DYSF: variants seen among roughly 807,000 people sequenced by gnomAD.
The protein encoded by DYSF is dystrophy-associated fer-1-like 1.
Under a neutral mutation model 274.9 loss-of-function variants are expected in DYSF, and 212 were observed. The ratio of observed to expected loss-of-function variants is 0.77; its 90% confidence interval spans 0.69 to 0.86. The LOEUF is 0.86. Ranked by LOEUF, DYSF falls within the 40% of genes least tolerant of loss-of-function variation. DYSF has a pLI of 0.00. For missense variants in DYSF, 2,666 were observed against 2,783.2 expected (o/e 0.96, Z 0.95); for synonymous variants, 1,091 against 1,078.7 (o/e 1.01, Z -0.22).
At chr2:71,485,439 C>A (rs2083285567) in intron 3 of DYSF, among the ~76,000 whole-genome samples, 2 of 152,166 alleles carry the variant, frequency 1.3e-5, no homozygotes, top group Non-Finnish European at 2.9e-5. Context: ...ACCTGTAATC[C>A]CAGCTACTCA....
chr2:71,572,112 GATC>G (rs200468908), intron 29 of DYSF, among the ~76,000 whole-genome samples: 2,910 of 113,280 alleles, frequency 0.026, 120 homozygotes, highest in African/African-American at 0.096. Flanking sequence ...CACACCCACA[GATC>G]ATACCCAGCA....
chr2:71,662,198 C>G (rs1315556884), intron 45 of DYSF, among the ~76,000 whole-genome samples: 1 of 152,234 alleles, frequency 6.6e-6, no homozygotes, highest in African/African-American at 2.4e-5. Context: ...CAGACGAACA[C>G]AACGCATGAG....
chr2:71,625,062 T>C (rs1388305348), intron 41 of DYSF, among the ~76,000 whole-genome samples: 5 of 152,188 alleles, frequency 3.3e-5, no homozygotes, highest in Non-Finnish European at 7.4e-5. Flanking sequence ...TCATATCGTT[T>C]CATCTATTTT....
chr2:71,504,330 T>C (rs1249436015), intron 4 of DYSF, among the ~76,000 whole-genome samples: 1 of 152,114 alleles, frequency 6.6e-6, no homozygotes, highest in Non-Finnish European at 1.5e-5. Flanking sequence ...CAAGGGGTCT[T>C]AGGCTGGGGA....
rs766891289 is a variant in DYSF, at chr2:71,520,871, C to G, written c.1116C>G (p.Ser372Arg). The G allele has an allele frequency of 1.9e-6, 3 of 1,614,130 alleles. No homozygotes were observed. The highest frequency in any genetic ancestry group is 2.5e-6 in the Non-Finnish European group (3 of 1,180,012). Reference protein sequence around the residue: ...SAGARGYLKTSLCVLGPGDEA... With the variant: ...SAGARGYLKTRLCVLGPGDEA... ...GGGCCAGAGGCTACCTGAAAACAAG[C>G]CTTTGTGTGCTGGGGCCTGGGGACG... The change falls in exon 12 of 56, where the codon AGC (serine) becomes AGG (arginine). Residue 372 changes from serine to arginine, a missense_variant. By Grantham distance (110) the Ser-to-Arg change is moderately radical (BLOSUM62 -1). Around this residue, in one of 3 missense-constraint regions of DYSF, gnomAD observed 794 missense variants for 777.1 expected, o/e 1.02. Transcript: ENST00000410020.
At chr2:71,649,137 CA>C (rs376775027) in intron 42 of DYSF, among the ~76,000 whole-genome samples, 2,662 of 89,632 alleles carry the variant, frequency 0.03, 43 homozygotes, top group African/African-American at 0.1. Flanking sequence ...ACTTTGTCTC[CA>C]AAAAAAAAAA....
chr2:71,539,055 C>T (rs2089661705), intron 16 of DYSF, 102 bp from the exon 17 acceptor site: 2 of 1,018,866 alleles, frequency 2.0e-6, no homozygotes, highest in African/African-American at 3.2e-5. Flanking sequence ...TGCCTGCCCC[C>T]CGCCCCCCTG....
chr2:71,654,112 A>G (rs13400361), intron 42 of DYSF, among the ~76,000 whole-genome samples: 1,776 of 152,334 alleles, frequency 0.012, 36 homozygotes, highest in African/African-American at 0.04. Context: ...GACAAGGATG[A>G]GCAGAAGAAA....
At chr2:71,662,428 GTGTA>G (rs971764892) in intron 45 of DYSF, among the ~76,000 whole-genome samples, 6 of 152,120 alleles carry the variant, frequency 3.9e-5, no homozygotes, top group African/African-American at 9.7e-5. Flanking sequence ...GTGTATATGT[GTGTA>G]TGTATGTGTG....
intron 19 of DYSF, 103 bp from the exon 20 acceptor site, chr2:71,552,908 G>A (rs1386065299): frequency 1.6e-6 from 2 of 1,217,694 alleles, no homozygotes; most frequent in Non-Finnish European, 2.4e-6. Flanking sequence ...GGAGCTATTG[G>A]GTGCCGGTTA....
At chr2:71,519,252 T>C (rs1386948641) in intron 10 of DYSF, among the ~76,000 whole-genome samples, 3 of 152,082 alleles carry the variant, frequency 2.0e-5, no homozygotes, top group African/African-American at 4.8e-5. Flanking sequence ...GGAGAAGCAT[T>C]TTTTAAAAGA....
At chr2:71,474,073 T>C (rs1255520486) in intron 1 of DYSF, among the ~76,000 whole-genome samples, 1 of 151,972 alleles carries the variant, frequency 6.6e-6, no homozygotes, top group Non-Finnish European at 1.5e-5. Context: ...ATTACAGGCA[T>C]GTGCCACCAC....
rs949888155 is a variant in DYSF, at chr2:71,589,500, T to C, written c.3403-93T>C. ...TTCAGCTTTCGGCAGCGGAGAGATC[T>C]CCTGGCCCTGGGGATCTAACTCTCT... is the stretch of plus-strand genomic sequence containing the variant. On this transcript the variant is annotated intron_variant, in intron 30 of 55. Transcript: ENST00000410020. 4 of 991,030 alleles carry C rather than the reference T, an allele frequency of 4.0e-6. No homozygotes were observed. In the African/African-American group the frequency reaches 6.4e-5, roughly 16 times the overall value. 61.4% of individuals were successfully genotyped at this position (991,030 alleles called of 1,614,324 possible). A position where few individuals can be genotyped will look rare whatever the true frequency, so the allele number is the denominator to read the frequency against.
chr2:71,664,990 T>C (rs2094968967), intron 46 of DYSF, among the ~76,000 whole-genome samples, 172 bp from the exon 47 acceptor site: 5 of 152,350 alleles, frequency 3.3e-5, no homozygotes, highest in African/African-American at 1.2e-4. Flanking sequence ...CCTCCATTTC[T>C]CCATCTGTAA....
intron 41 of DYSF, among the ~76,000 whole-genome samples, chr2:71,628,896 G>A (rs1308863311): frequency 6.6e-6 from 1 of 151,814 alleles, no homozygotes; most frequent in Non-Finnish European, 1.5e-5. Context: ...AGGGTGCAGT[G>A]AGCCATGATT....
chr2:71,461,720 G>A (rs532390548), upstream of DYSF, among the ~76,000 whole-genome samples: 3 of 152,346 alleles, frequency 2.0e-5, no homozygotes, highest in African/African-American at 7.2e-5. Flanking sequence ...GCAGGAGAGG[G>A]TGGTGGTAAG....
At chr2:71,513,197 C>G (rs1220600650) in intron 5 of DYSF, 43 bp from the exon 6 acceptor site, 1 of 1,545,850 alleles carries the variant, frequency 6.5e-7, no homozygotes, top group Non-Finnish European at 8.8e-7. Context: ...TCACCCCAAC[C>G]TCCTCCCTCC....
intron 16 of DYSF, among the ~76,000 whole-genome samples, chr2:71,537,218 GTTTTGTT>G (rs1365912274): frequency 3.8e-4 from 18 of 47,710 alleles, no homozygotes; most frequent in African/African-American, 8.9e-4. Flanking sequence ...TTACTTTCTA[GTTTTGTT>G]TTTTTTTTTT....
chr2:71,463,226 C>G (rs919258800), upstream of DYSF, among the ~76,000 whole-genome samples: 1 of 152,244 alleles, frequency 6.6e-6, no homozygotes, highest in Non-Finnish European at 1.5e-5. Flanking sequence ...GCTGGCATCT[C>G]AGTGCCACCA....
Sources: gnomAD v4.1 joint callset for allele counts (sites outside exome capture counted in the v4.1 genomes callset) on GRCh38, gnomAD v4.1.1 for gene constraint, gnomAD v4.1.1 regional missense constraint, MANE v1.5 for transcripts, NCBI Gene and HGNC (gene_info 2026-07-23, HGNC 2026-07-21) for gene names.